ZFPM2: variants seen among roughly 807,000 people sequenced by gnomAD.
ZFPM2 encodes the protein zinc finger protein, FOG family member 2.
ZFPM2 carries 20 observed loss-of-function variants against 98.6 expected under a neutral mutation model. The ratio of observed to expected loss-of-function variants is 0.20; its 90% CI spans 0.14 to 0.29. The LOEUF (loss-of-function observed/expected upper bound fraction) is 0.29, where lower values mean the gene tolerates loss of function less well. Among genes scored for constraint, ZFPM2 ranks in the 10% least tolerant of loss-of-function variants. ZFPM2 has a pLI of 1.00. For synonymous variants in ZFPM2, 518 were observed against 502.7 expected (o/e 1.03, Z -0.41); for missense variants, 1,310 against 1,388.6 (o/e 0.94, Z 0.90).
intron 5 of ZFPM2, among the ~76,000 whole-genome samples, chr8:105,727,403 T>G (rs1411827949): frequency 6.6e-6 from 1 of 151,668 alleles, no homozygotes; most frequent in African/African-American, 2.4e-5. Context: ...AAGCATAAAA[T>G]GAAGCAATGT....
chr8:105,445,920 C>CT (rs1345952425), intron 3 of ZFPM2, among the ~76,000 whole-genome samples: 1 of 149,658 alleles, frequency 6.7e-6, no homozygotes, highest in Non-Finnish European at 1.5e-5. Context: ...CTTTTCTTTT[C>CT]TTTTTTCTTT....
At chr8:105,546,226 C>T (rs1195523130) in intron 3 of ZFPM2, among the ~76,000 whole-genome samples, 1 of 152,062 alleles carries the variant, frequency 6.6e-6, no homozygotes, top group African/African-American at 2.4e-5. Flanking sequence ...GCATGTTGAA[C>T]GAGACTAGTT....
chr8:105,789,175 G>A (rs557118182), intron 6 of ZFPM2: 28 of 301,666 alleles, frequency 9.3e-5, no homozygotes, highest in South Asian at 6.1e-4. Context: ...ATGCTGGTGC[G>A]CGGCACCCAC....
chr8:105,361,342 G>A (rs1385492487), intron 1 of ZFPM2, among the ~76,000 whole-genome samples: 1 of 148,844 alleles, frequency 6.7e-6, no homozygotes, highest in Non-Finnish European at 1.5e-5. Context: ...TTGTAAATTT[G>A]TTTGAGTTCA....
chr8:105,492,723 C>T (rs768829509), intron 3 of ZFPM2, among the ~76,000 whole-genome samples: 5 of 151,978 alleles, frequency 3.3e-5, no homozygotes, highest in Admixed American at 1.3e-4. Context: ...AAAATTCCTG[C>T]CATATAAATC....
rs1465509851 is a variant in ZFPM2, at chr8:105,634,307, C to T, written c.482C>T (p.Thr161Ile). The change falls in exon 5 of 8, where the codon ACT becomes ATT. Residue 161 changes from threonine to isoleucine, a missense_variant. Transcript: ENST00000407775. The part of the protein sequence containing the change: ...TAGPKWLLDV[T>I]WQGVEDNKNN... Reference sequence around the variant, plus strand: ...GGTCCCAAGTGGTTGCTGGATGTGACTTGGCAAGGAGTGGAAGACAACAAA... The same window carrying T: ...GGTCCCAAGTGGTTGCTGGATGTGATTTGGCAAGGAGTGGAAGACAACAAA... 6.2e-7 allele frequency: 1 copy of T among 1,613,138 alleles called. No homozygotes were observed. The highest frequency in any genetic ancestry group is 1.1e-5 in the South Asian group (1 of 90,880).
chr8:105,389,013 C>CGTGTGTGTGT lies in ZFPM2; in HGVS notation c.41-30094_41-30085dup, dbSNP rs142145699. Among the ~76,000 whole-genome samples, 321 of 134,894 alleles carry CGTGTGTGTGT rather than the reference C, an allele frequency of 2.4e-3. 1 individual carries two copies. The highest frequency in any genetic ancestry group is 7.8e-3 in the East Asian group (35 of 4,482). The allele number at this position is 134,894 out of a possible 152,430, so 88.5% of individuals were successfully genotyped here. On this transcript the variant is annotated intron_variant, in intron 1 of 7. Coordinates refer to ENST00000407775, the MANE Select transcript of ZFPM2 (RefSeq NM_012082.4). ...AAAACAAAACCACAGAATTTGATGA[C>CGTGTGTGTGT]GTGTGTGTGTGTGTGTGTGTGTGTG... is the stretch of plus-strand genomic sequence containing the variant.
At chr8:105,331,417 A>G (rs1812231925) in intron 1 of ZFPM2, among the ~76,000 whole-genome samples, 1 of 151,464 alleles carries the variant, frequency 6.6e-6, no homozygotes, top group African/African-American at 2.4e-5. Flanking sequence ...TTCATTTTGG[A>G]GAAATAAGAA....
intron 5 of ZFPM2, among the ~76,000 whole-genome samples, chr8:105,754,126 T>C: frequency 6.6e-6 from 1 of 152,136 alleles, no homozygotes; most frequent in East Asian, 1.9e-4. Flanking sequence ...TCACCTTTTT[T>C]CCTAGTGAGA....
At chr8:105,460,884 G>A (rs529453449) in intron 3 of ZFPM2, among the ~76,000 whole-genome samples, 1 of 151,672 alleles carries the variant, frequency 6.6e-6, no homozygotes, top group Non-Finnish European at 1.5e-5. Flanking sequence ...ATTAAATTTT[G>A]AAATAAATAT....
At chr8:105,594,693 T>C (rs954350794) in intron 4 of ZFPM2, among the ~76,000 whole-genome samples, 7 of 152,090 alleles carry the variant, frequency 4.6e-5, no homozygotes. Context: ...AACTCAGATA[T>C]GACTTCAAAA....
At chr8:105,655,419 C>T (rs778507077) in intron 5 of ZFPM2, among the ~76,000 whole-genome samples, 6 of 151,554 alleles carry the variant, frequency 4.0e-5, no homozygotes, top group East Asian at 1.9e-4. Context: ...TTAGTAGAGA[C>T]GGGGTTTCTC....
At chr8:105,666,462 C>T (rs543984249) in intron 5 of ZFPM2, among the ~76,000 whole-genome samples, 3 of 152,230 alleles carry the variant, frequency 2.0e-5, no homozygotes, top group Admixed American at 2.0e-4. Flanking sequence ...TCTTCCTTTC[C>T]ATCTGTTGCT....
At chr8:105,461,029 TA>T (rs1351505456) in intron 3 of ZFPM2, among the ~76,000 whole-genome samples, 4 of 152,022 alleles carry the variant, frequency 2.6e-5, no homozygotes, top group African/African-American at 7.2e-5. Flanking sequence ...TATTCATTTA[TA>T]AAAAAATCAT....
In ZFPM2 at chr8:105,608,580, GTT is replaced by G. The variant is rs397978197; in HGVS notation, c.421-25644_421-25643del. Among the ~76,000 whole-genome samples the G allele has an allele frequency of 9.0e-3, 981 of 108,734 alleles. 3 individuals are homozygous for G. Among genetic ancestry groups the G allele is most frequent in the South Asian group, 0.025 (73 of 2,884 alleles). The allele number at this position is 108,734 out of a possible 152,430, so 71.3% of individuals were successfully genotyped here. A position where few individuals can be genotyped will look rare whatever the true frequency, so the allele number is the denominator to read the frequency against. On this transcript the variant is annotated intron_variant, in intron 4 of 7. Transcript: ENST00000407775. ...TTAGAAAGGCTAGAGAACACCAAGA[GTT>G]TTTTTTTTTTTTTTTTTTTTTAATC...
At chr8:105,449,465 A>C (rs2130245457) in intron 3 of ZFPM2, among the ~76,000 whole-genome samples, 1 of 152,168 alleles carries the variant, frequency 6.6e-6, no homozygotes, top group South Asian at 2.1e-4. Context: ...TCATTTCAAT[A>C]AAAATGAAGT....
At chr8:105,334,325 A>G (rs1172135446) in intron 1 of ZFPM2, among the ~76,000 whole-genome samples, 8 of 151,770 alleles carry the variant, frequency 5.3e-5, no homozygotes, top group African/African-American at 1.9e-4. Flanking sequence ...ATATTTTAAT[A>G]TCTCTCTAAT....
At chr8:105,714,716 G>A (rs1379000788) in intron 5 of ZFPM2, among the ~76,000 whole-genome samples, 1 of 151,908 alleles carries the variant, frequency 6.6e-6, no homozygotes, top group Non-Finnish European at 1.5e-5. Context: ...CATAACATTG[G>A]TAGCTTGAAG....
chr8:105,626,406 A>G (rs1293840253), intron 4 of ZFPM2, among the ~76,000 whole-genome samples: 1 of 152,206 alleles, frequency 6.6e-6, no homozygotes, highest in Non-Finnish European at 1.5e-5. Context: ...TGACTGTCAG[A>G]TTGAATTTGA....
Sources: gnomAD v4.1 joint callset for allele counts (sites outside exome capture counted in the v4.1 genomes callset) on GRCh38, gnomAD v4.1.1 for gene constraint, MANE v1.5 for transcripts, NCBI Gene and HGNC (gene_info 2026-07-23, HGNC 2026-07-21) for gene names.